Variants in NR3C2 observed in about 807,000 individuals in gnomAD.
The protein encoded by NR3C2 is mineralocorticoid receptor.
In NR3C2, 15 loss-of-function variants were observed where a neutral mutation model predicts 86.4. That is an observed-to-expected ratio of 0.17 (90% CI 0.12 to 0.27). NR3C2 has a LOEUF of 0.27. Ranked by LOEUF, NR3C2 falls within the 10% of genes least tolerant of loss-of-function variation. The probability of loss-of-function intolerance (pLI) is 1.00; values close to 1 mark genes in which losing one functional copy is unlikely to be tolerated. For synonymous variants in NR3C2, 458 were observed against 450.5 expected (o/e 1.02, Z -0.21); for missense variants, 960 against 1,195.6 (o/e 0.80, Z 2.91).
intron 4 of NR3C2, among the ~76,000 whole-genome samples, chr4:148,185,551 C>G (rs1735851692): frequency 6.6e-6 from 1 of 152,094 alleles, no homozygotes. Flanking sequence ...ACAACACATG[C>G]TTCCATCACA....
At chr4:148,205,405 C>A (rs1412351244) in intron 3 of NR3C2, among the ~76,000 whole-genome samples, 1 of 152,170 alleles carries the variant, frequency 6.6e-6, no homozygotes, top group Non-Finnish European at 1.5e-5. Context: ...CCTCTCCTAT[C>A]CTCTAACCAC....
chr4:148,439,075 T>C (rs1039325678), intron 1 of NR3C2, among the ~76,000 whole-genome samples: 3 of 152,184 alleles, frequency 2.0e-5, no homozygotes, highest in Admixed American at 6.5e-5. Context: ...AAATGTTTGG[T>C]GTGGATGAAA....
rs538562320 is a variant in NR3C2, at chr4:148,140,271, G to A, written c.2510+12198C>T. On this transcript the variant is annotated intron_variant, in intron 6 of 8. Coordinates refer to ENST00000358102, the MANE Select transcript of NR3C2 (RefSeq NM_000901.5). ...TGTAAACCCAGCTACTTGGGGGCCC[G>A]AGGTGGAGAACTGCCTGAGCTCAGG... Among the ~76,000 whole-genome samples the A allele has an allele frequency of 7.5e-4, 114 of 152,320 alleles. No individual in the cohort carries two copies. In the South Asian group the frequency reaches 0.019, roughly 26 times the overall value.
In NR3C2 at chr4:148,196,973, A is replaced by C. The variant is rs373306012; in HGVS notation, c.1898-2111T>G. On this transcript the variant is annotated intron_variant, in intron 3 of 8. Transcript: ENST00000358102. ...GCCACATTAGAGTTCTATGTTAGTT[A>C]ACCCACAGAACAACCCTATGACATA... Among the ~76,000 whole-genome samples, 24 of 152,348 alleles carry C rather than the reference A, an allele frequency of 1.6e-4. No individual in the cohort carries two copies. In the South Asian group the frequency reaches 3.1e-3, roughly 20 times the overall value.
rs72658649 is a variant in NR3C2 at position 148,418,178 on chromosome 4, A to T, written c.1757+16926T>A. 4.8e-3 allele frequency among the ~76,000 whole-genome samples: 730 copies of T among 152,350 alleles called. 3 individuals carry two copies. The highest frequency in any genetic ancestry group is 0.017 in the African/African-American group (696 of 41,586). ...GAGAAAAGAGGCGGAGATGAAAACC[A>T]TCACAGTACATCACTGTGCAGCCTA... On this transcript the variant is annotated intron_variant, in intron 2 of 8. Transcript: ENST00000358102.
At chr4:148,143,004 G>A (rs1181620151) in intron 6 of NR3C2, among the ~76,000 whole-genome samples, 1 of 152,170 alleles carries the variant, frequency 6.6e-6, no homozygotes, top group Non-Finnish European at 1.5e-5. Context: ...AGATGCAGAT[G>A]CCGGTGCTAT....
At chr4:148,401,757 C>T (rs1035224566) in intron 2 of NR3C2, among the ~76,000 whole-genome samples, 3 of 151,972 alleles carry the variant, frequency 2.0e-5, no homozygotes, top group African/African-American at 4.8e-5. Flanking sequence ...CCACCACGCT[C>T]GGCCTAAAGT....
chr4:148,163,127 G>C (rs1460432057), intron 4 of NR3C2, among the ~76,000 whole-genome samples: 2 of 152,208 alleles, frequency 1.3e-5, no homozygotes, highest in Non-Finnish European at 1.5e-5. Context: ...ATTTAGATTA[G>C]ACATTAGGAG....
At chr4:148,095,508 G>T (rs1028532595) in intron 8 of NR3C2, among the ~76,000 whole-genome samples, 2 of 152,202 alleles carry the variant, frequency 1.3e-5, no homozygotes, top group African/African-American at 4.8e-5. Flanking sequence ...CTCTCTGAGT[G>T]GGTGAGTTTT....
intron 2 of NR3C2, among the ~76,000 whole-genome samples, chr4:148,314,163 C>G (rs1743044405): frequency 6.6e-6 from 1 of 152,004 alleles, no homozygotes; most frequent in South Asian, 2.1e-4. Context: ...TCTTCAAAAG[C>G]TATATGATCG....
chr4:148,312,368 G>C (rs904682826), intron 2 of NR3C2, among the ~76,000 whole-genome samples: 1 of 152,092 alleles, frequency 6.6e-6, no homozygotes, highest in Non-Finnish European at 1.5e-5. Flanking sequence ...AACCACATTG[G>C]TAGCTTAAAA....
chr4:148,230,405 C>G (rs770358091), intron 3 of NR3C2, among the ~76,000 whole-genome samples: 1 of 152,146 alleles, frequency 6.6e-6, no homozygotes, highest in East Asian at 1.9e-4. Context: ...GCATGTTGGC[C>G]AAGCTGGGCT....
chr4:148,432,723 G>A (rs1749851048), intron 2 of NR3C2, among the ~76,000 whole-genome samples: 2 of 152,180 alleles, frequency 1.3e-5, no homozygotes, highest in Non-Finnish European at 2.9e-5. Context: ...AAAAGGTTGG[G>A]TTTTTTGTTC....
chr4:148,226,071 G>A (rs183119997), intron 3 of NR3C2, among the ~76,000 whole-genome samples: 2 of 152,134 alleles, frequency 1.3e-5, no homozygotes, highest in East Asian at 3.9e-4. Context: ...ATTTCCTTAA[G>A]GCACCTATCA....
rs992606835 is a variant in NR3C2 at position 148,374,281 on chromosome 4, T to C, written c.1757+60823A>G. 1.6e-4 allele frequency among the ~76,000 whole-genome samples: 24 copies of C among 152,188 alleles called. 1 individual carries two copies. The highest frequency in any genetic ancestry group is 5.9e-5 in the Non-Finnish European group (4 of 68,032). Reference sequence around the variant, plus strand: ...ATTAAATATTCACTACATTAGAATATCATGTTCTCATTATTCATAAATTCC... The same window carrying C: ...ATTAAATATTCACTACATTAGAATACCATGTTCTCATTATTCATAAATTCC... On this transcript the variant is annotated intron_variant, in intron 2 of 8. Coordinates refer to ENST00000358102, the MANE Select transcript of NR3C2 (RefSeq NM_000901.5).
intron 8 of NR3C2, among the ~76,000 whole-genome samples, chr4:148,088,306 G>A (rs1474242398): frequency 1.3e-5 from 2 of 152,212 alleles, no homozygotes; most frequent in African/African-American, 4.8e-5. Context: ...AGACAGTGTG[G>A]TGATTCCTCA....
At chr4:148,229,525 A>T (rs1334623597) in intron 3 of NR3C2, among the ~76,000 whole-genome samples, 1 of 152,096 alleles carries the variant, frequency 6.6e-6, no homozygotes, top group African/African-American at 2.4e-5. Context: ...AGGGTACTGG[A>T]TCTTAATTCT....
At chr4:148,332,644 A>G (rs1384609303) in intron 2 of NR3C2, among the ~76,000 whole-genome samples, 1 of 152,256 alleles carries the variant, frequency 6.6e-6, no homozygotes, top group African/African-American at 2.4e-5. Flanking sequence ...AACATCTCAC[A>G]TGCATAGCAA....
At chr4:148,129,102 T>C (rs979488983) in intron 6 of NR3C2, among the ~76,000 whole-genome samples, 2 of 152,158 alleles carry the variant, frequency 1.3e-5, no homozygotes, top group African/African-American at 4.8e-5. Context: ...TTATTCACAA[T>C]AGGCAAAAGA....
Sources: gnomAD v4.1 joint callset for allele counts (sites outside exome capture counted in the v4.1 genomes callset) on GRCh38, gnomAD v4.1.1 for gene constraint, MANE v1.5 for transcripts, NCBI Gene and HGNC (gene_info 2026-07-23, HGNC 2026-07-21) for gene names.